Variants in MTTP observed in about 807,000 individuals in gnomAD.
The protein encoded by MTTP is microsomal triglyceride transfer protein.
MTTP carries 49 observed loss-of-function variants against 90.6 expected under a neutral mutation model. The observed-to-expected ratio is 0.54, with a 90% CI of 0.43 to 0.69. The LOEUF (loss-of-function observed/expected upper bound fraction) is 0.69, where lower values mean the gene tolerates loss of function less well. Among genes scored for constraint, MTTP ranks in the 30% least tolerant of loss-of-function variants. The pLI, the probability that MTTP is intolerant of heterozygous loss-of-function variation, is 0.00. For synonymous variants in MTTP, 347 were observed against 384.2 expected, an observed-to-expected ratio of 0.90 and a Z score of 1.13; for missense variants, 945 against 1,067.5, an observed-to-expected ratio of 0.89 and a Z score of 1.60.
At chr4:99,591,474 C>A in intron 5 of MTTP, 123 bp downstream of exon 5, 1 of 1,130,382 alleles carries the variant, frequency 8.8e-7, no homozygotes, top group Non-Finnish European at 1.3e-6. Flanking sequence ...TTAGTTTAGG[C>A]TACAAATTCA....
At position 99,597,260 on chromosome 4, in the gene MTTP, A is replaced by G. The variant is rs756541791; in HGVS notation, c.1067+36A>G. On this transcript the variant is annotated intron_variant, in intron 8 of 17. Transcript: ENST00000265517. ...CAACCTTTGTGTGGGGTTGTCTGTC[A>G]GAAACATTTCTGGATTGTTGGTTTT... 3 of 1,607,916 alleles carry G rather than the reference A, an allele frequency of 1.9e-6. No individual in the cohort carries two copies. The South Asian group carries it at 3.3e-5, about 18-fold the overall frequency.
At chr4:99,564,144 T>C in exon 1 of MTTP, 2 of 1,535,484 alleles carry the variant, frequency 1.3e-6, no homozygotes, top group Non-Finnish European at 1.7e-6. Flanking sequence ...GGAGTTAGTG[T>C]TTTGGGAGTG....
rs1228842084 is a variant in MTTP, at chr4:99,608,780, A to G, written c.1572A>G (p.Leu524=). 2 of 1,613,960 alleles carry G rather than the reference A, an allele frequency of 1.2e-6. No individual in the cohort carries two copies. The highest frequency in any genetic ancestry group is 1.7e-5 in the Admixed American group (1 of 60,022). Residue 524 remains leucine (L), a synonymous_variant, in exon 12 of 18, where the codon TTA becomes TTG. Transcript: ENST00000265517. ...PFITDEVKKT[L]NRIYHQNRKV... Reference sequence around the variant, plus strand: ...CTTATGAACAGGTGAAGAAGACCTTAAACAGAATATACCACCAAAACCGTA... The same window carrying G: ...CTTATGAACAGGTGAAGAAGACCTTGAACAGAATATACCACCAAAACCGTA...
At chr4:99,568,216 A>G (rs1243319721) in intron 1 of MTTP, among the ~76,000 whole-genome samples, 1 of 152,130 alleles carries the variant, frequency 6.6e-6, no homozygotes, top group Non-Finnish European at 1.5e-5. Context: ...AGGAAGAAAT[A>G]AAACCATTTG....
intron 3 of MTTP, chr4:99,583,827 C>A: frequency 3.8e-6 from 2 of 521,948 alleles, no homozygotes; most frequent in Non-Finnish European, 6.8e-6. Context: ...GGATTACAAA[C>A]GTAATGTAAC....
At position 99,623,286 on chromosome 4, in the gene MTTP, A is replaced by G. The variant is rs1341024435; in HGVS notation, c.*438A>G. 8.1e-6 allele frequency: 1 copy of G among 122,990 alleles called. No individual in the cohort carries two copies. 7.6% of individuals were successfully genotyped at this position (122,990 alleles called of 1,614,324 possible). On this transcript the variant is annotated 3_prime_UTR_variant, in exon 18 of 18. Transcript: ENST00000265517. ...ACCAAACACGTTCCCTAATCAGGAA[A>G]AAAAAAAAAAAAAAAAGTAAGACAC...
chr4:99,609,138 G>T (rs536032255), intron 12 of MTTP, among the ~76,000 whole-genome samples, 161 bp downstream of exon 12: 1 of 152,294 alleles, frequency 6.6e-6, no homozygotes, highest in South Asian at 2.1e-4. Flanking sequence ...TAGGGGGCCA[G>T]ATGAAACAAC....
At chr4:99,582,198 A>G in intron 2 of MTTP, 106 bp downstream of exon 2, 1 of 1,185,062 alleles carries the variant, frequency 8.4e-7, no homozygotes, top group Non-Finnish European at 1.2e-6. Flanking sequence ...AAATCCATTT[A>G]GTTTCTTATC....
intron 15 of MTTP, among the ~76,000 whole-genome samples, chr4:99,614,303 T>C (rs946541951): frequency 6.6e-6 from 1 of 152,178 alleles, no homozygotes; most frequent in African/African-American, 2.4e-5. Context: ...GCCAGATAAT[T>C]TGAGGATTCT....
intron 10 of MTTP, among the ~76,000 whole-genome samples, 191 bp downstream of exon 10, chr4:99,601,905 T>C (rs1224337475): frequency 6.6e-6 from 1 of 152,144 alleles, no homozygotes; most frequent in East Asian, 1.9e-4. Flanking sequence ...ATATTTCTAT[T>C]TCACTAGAAT....
chr4:99,617,056 T>A (rs1158500814), intron 15 of MTTP, among the ~76,000 whole-genome samples: 7 of 152,302 alleles, frequency 4.6e-5, no homozygotes, highest in Non-Finnish European at 1.0e-4. Flanking sequence ...ATAGCTTTCA[T>A]TTGGAAATAA....
At position 99,600,837 on chromosome 4, in the gene MTTP, A is replaced by G. The variant is rs1427105675; in HGVS notation, c.1236+104A>G. On this transcript the variant is annotated intron_variant, in intron 9 of 17. Transcript: ENST00000265517. ...GATCTGAATGAAGGCTATCAACTAGAGACTTCTGAGTATTCATATTCAAAT... is the reference window on the plus strand; with the variant it reads ...GATCTGAATGAAGGCTATCAACTAGGGACTTCTGAGTATTCATATTCAAAT... 2.8e-6 allele frequency: 3 copies of G among 1,087,676 alleles called. No individual in the cohort carries two copies. The East Asian group carries it at 7.7e-5, about 28-fold the overall frequency. 67.4% of individuals were successfully genotyped at this position (1,087,676 alleles called of 1,614,324 possible).
At chr4:99,595,554 CTG>C (rs1578243666) in intron 7 of MTTP, 1 of 155,142 alleles carries the variant, frequency 6.4e-6, no homozygotes, top group East Asian at 1.9e-4. Flanking sequence ...GCTTCATGCT[CTG>C]TGTGTAACTA....
chr4:99,598,549 C>CATGTAGTGTA (rs1725613098), intron 8 of MTTP, among the ~76,000 whole-genome samples: 1 of 150,096 alleles, frequency 6.7e-6, no homozygotes, highest in African/African-American at 2.4e-5. Flanking sequence ...TAACATGCAA[C>CATGTAGTGTA]ACACATGTAG....
At chr4:99,609,114 A>G (rs998608280) in intron 12 of MTTP, 137 bp downstream of exon 12, 23 of 845,598 alleles carry the variant, frequency 2.7e-5, no homozygotes, top group Non-Finnish European at 3.9e-5. Flanking sequence ...CAGATTTCCC[A>G]TAATAGGGCT....
chr4:99,587,369 A>T (rs1307666954), intron 3 of MTTP, among the ~76,000 whole-genome samples: 2 of 152,156 alleles, frequency 1.3e-5, no homozygotes, highest in Non-Finnish European at 2.9e-5. Flanking sequence ...AGGATTAAAA[A>T]AACTTTTTTC....
At chr4:99,581,092 A>G (rs893166316) in intron 1 of MTTP, among the ~76,000 whole-genome samples, 2 of 152,226 alleles carry the variant, frequency 1.3e-5, no homozygotes. Flanking sequence ...TAGAAAATAT[A>G]CAAAAGAAAA....
chr4:99,603,351 G>A (rs780694663), intron 10 of MTTP, among the ~76,000 whole-genome samples: 3 of 152,058 alleles, frequency 2.0e-5, no homozygotes, highest in Admixed American at 6.6e-5. Context: ...GTCTTTAGGC[G>A]GATGAATGAC....
At chr4:99,595,802 G>T (rs1230734741) in intron 7 of MTTP, among the ~76,000 whole-genome samples, 2 of 150,280 alleles carry the variant, frequency 1.3e-5, no homozygotes, top group Non-Finnish European at 3.0e-5. Flanking sequence ...ATTTTCTAAT[G>T]CTGTATGAGA....
Sources: gnomAD v4.1 joint callset for allele counts (sites outside exome capture counted in the v4.1 genomes callset) on GRCh38, gnomAD v4.1.1 for gene constraint, MANE v1.5 for transcripts, NCBI Gene and HGNC (gene_info 2026-07-23, HGNC 2026-07-21) for gene names.